Variants in PLXDC2 observed in about 807,000 individuals in gnomAD.
PLXDC2 encodes plexin domain containing 2.
Under a neutral mutation model 68.9 loss-of-function variants are expected in PLXDC2, and 40 were observed. That is an observed-to-expected ratio of 0.58 (90% confidence interval 0.45 to 0.76). The LOEUF (loss-of-function observed/expected upper bound fraction) is 0.76, where lower values mean the gene tolerates loss of function less well. Among genes scored for constraint, PLXDC2 ranks in the 30% least tolerant of loss-of-function variants. The pLI, the probability that PLXDC2 is intolerant of heterozygous loss-of-function variation, is 0.00. For synonymous variants in PLXDC2, 243 were observed against 234.2 expected (o/e 1.04, Z -0.34); for missense variants, 644 against 661.9 (o/e 0.97, Z 0.30).
chr10:19,989,349 A>G (rs1171909701), intron 1 of PLXDC2, among the ~76,000 whole-genome samples: 2 of 152,174 alleles, frequency 1.3e-5, no homozygotes, highest in Non-Finnish European at 2.9e-5. Context: ...TTCTGAGCAA[A>G]TGATTGCAGT....
In PLXDC2 at chr10:20,245,392, G is replaced by C. The variant is rs140442189; in HGVS notation, c.1360G>C (p.Ala454Pro). The stretch of plus-strand genomic sequence containing the variant: ...TGAGAAGAAAGGGGGAACCCTCCAC[G>C]CTGGCCTCATCATTGGAATCCTCAT... ...AAEKKGGTLH[A>P]GLIIGILILV... is the part of the protein sequence containing the mutation. The change falls in exon 13 of 14, where the codon GCT (alanine) becomes CCT (proline). Residue 454 changes from alanine to proline, a missense_variant. By Grantham distance (27) the Ala-to-Pro change is conservative. Transcript: ENST00000377252. The C allele has an allele frequency of 5.6e-6, 9 of 1,613,880 alleles. No homozygotes were observed. Among genetic ancestry groups the C allele is most frequent in the South Asian group, 2.2e-5 (2 of 91,056 alleles).
At chr10:20,240,132 C>T (rs572734457) in intron 12 of PLXDC2, among the ~76,000 whole-genome samples, 4 of 152,212 alleles carry the variant, frequency 2.6e-5, no homozygotes, top group South Asian at 2.1e-4. Flanking sequence ...TCTTTGTGTC[C>T]GTATGTATTC....
chr10:19,966,859 A>G lies in PLXDC2; in HGVS notation c.113-34916A>G, dbSNP rs867576405. 3.9e-5 allele frequency among the ~76,000 whole-genome samples: 6 copies of G among 152,138 alleles called. No individual in the cohort carries two copies. The South Asian group carries it at 1.0e-3, about 26-fold the overall frequency. ...CCTCACATATCCTGGCCTGCAATGC[A>G]GAGGCCAGGGGGAAACACTGGGGAG... On this transcript the variant is annotated intron_variant, in intron 1 of 13. Coordinates refer to ENST00000377252, the MANE Select transcript of PLXDC2 (RefSeq NM_032812.9).
intron 9 of PLXDC2, among the ~76,000 whole-genome samples, chr10:20,206,265 A>G (rs898034338): frequency 1.3e-5 from 2 of 152,158 alleles, no homozygotes; most frequent in Admixed American, 1.3e-4. Flanking sequence ...TTGGATTCCA[A>G]AGCCTCACTT....
In PLXDC2 at chr10:20,255,462, G is replaced by C. The variant is rs147199996; in HGVS notation, c.1473+9957G>C. Among the ~76,000 whole-genome samples, 8 of 152,118 alleles carry C rather than the reference G, an allele frequency of 5.3e-5. No individual in the cohort carries two copies. In the East Asian group the frequency reaches 1.5e-3, roughly 29 times the overall value. On this transcript the variant is annotated intron_variant, in intron 13 of 13. Coordinates refer to ENST00000377252, the MANE Select transcript of PLXDC2 (RefSeq NM_032812.9). ...TTGTGACATTGGTTAATTGTTCTGC[G>C]TTAAAATAAATACTTAAGCCTTTCT... is the stretch of plus-strand genomic sequence containing the variant.
intron 3 of PLXDC2, among the ~76,000 whole-genome samples, chr10:20,047,454 A>G (rs1239876698): frequency 1.3e-5 from 2 of 152,156 alleles, no homozygotes; most frequent in Non-Finnish European, 2.9e-5. Flanking sequence ...TATGACTTAG[A>G]TAACATATAT....
chr10:20,202,292 G>A (rs1333551446), intron 9 of PLXDC2, among the ~76,000 whole-genome samples: 1 of 152,060 alleles, frequency 6.6e-6, no homozygotes, highest in Non-Finnish European at 1.5e-5. Flanking sequence ...TTGCTACTAT[G>A]GTTTATTCTA....
intron 9 of PLXDC2, among the ~76,000 whole-genome samples, chr10:20,199,050 A>T (rs1834882341): frequency 6.6e-6 from 1 of 152,170 alleles, no homozygotes; most frequent in East Asian, 1.9e-4. Context: ...TAAAACCTCA[A>T]TAGTTAAAAA....
rs147307113 is a variant in PLXDC2, at chr10:20,237,617, A to G, written c.1313-7728A>G. Among the ~76,000 whole-genome samples, 161 of 152,358 alleles carry G rather than the reference A, an allele frequency of 1.1e-3. 2 individuals carry two copies. In the East Asian group the frequency reaches 0.024, roughly 22 times the overall value. ...ACATGCTTTAGCTTGTAAATGGGTT[A>G]GGTACTGTTCCATGGGGGAATTCAT... On this transcript the variant is annotated intron_variant, in intron 12 of 13. Transcript: ENST00000377252.
At chr10:20,232,575 T>C (rs1234133370) in intron 12 of PLXDC2, among the ~76,000 whole-genome samples, 1 of 152,160 alleles carries the variant, frequency 6.6e-6, no homozygotes, top group Non-Finnish European at 1.5e-5. Flanking sequence ...ATACATGCAA[T>C]AAAACAGATG....
chr10:20,227,846 A>G (rs1400376658), intron 12 of PLXDC2, among the ~76,000 whole-genome samples: 1 of 152,192 alleles, frequency 6.6e-6, no homozygotes. Flanking sequence ...CTAGTAATCC[A>G]TAGAAGCAAT....
At chr10:20,218,585 T>C (rs1306929471) in intron 11 of PLXDC2, among the ~76,000 whole-genome samples, 2 of 152,100 alleles carry the variant, frequency 1.3e-5, no homozygotes, top group Non-Finnish European at 2.9e-5. Context: ...TAAGATCTCT[T>C]TATATAGAAT....
chr10:19,820,775 G>A (rs934799896), intron 1 of PLXDC2, among the ~76,000 whole-genome samples: 2 of 151,784 alleles, frequency 1.3e-5, no homozygotes, highest in Non-Finnish European at 2.9e-5. Context: ...TTGATCATGG[G>A]ATCTAAAGTC....
At chr10:19,817,227 C>T in intron 1 of PLXDC2, 36 bp downstream of exon 1, 7 of 1,511,392 alleles carry the variant, frequency 4.6e-6, no homozygotes, top group Non-Finnish European at 5.4e-6. Context: ...TGATTTTGTG[C>T]GCAGCTGAAG....
intron 1 of PLXDC2, among the ~76,000 whole-genome samples, chr10:19,936,725 T>G (rs2148299): frequency 0.75 from 113,644 of 152,090 alleles, 42,887 homozygotes; most frequent in African/African-American, 0.85. Context: ...AAGGAAATTG[T>G]CAAATGTCAC....
chr10:19,926,594 C>G (rs1160065638), intron 1 of PLXDC2, among the ~76,000 whole-genome samples: 3 of 152,070 alleles, frequency 2.0e-5, no homozygotes, highest in Non-Finnish European at 4.4e-5. Flanking sequence ...TGGCCAAATG[C>G]AGAATTCCTT....
intron 13 of PLXDC2, among the ~76,000 whole-genome samples, chr10:20,253,495 A>T (rs1835705921): frequency 6.6e-6 from 1 of 152,070 alleles, no homozygotes; most frequent in Non-Finnish European, 1.5e-5. Context: ...CTGGACATAA[A>T]TGTCTAAATA....
At chr10:19,871,143 A>C (rs1421716474) in intron 1 of PLXDC2, among the ~76,000 whole-genome samples, 3 of 152,166 alleles carry the variant, frequency 2.0e-5, no homozygotes, top group African/African-American at 7.2e-5. Context: ...TTAGTGTCCC[A>C]AGAAGAGAAG....
At chr10:20,262,995 C>A (rs1157931872) in intron 13 of PLXDC2, among the ~76,000 whole-genome samples, 1 of 152,212 alleles carries the variant, frequency 6.6e-6, no homozygotes, top group Non-Finnish European at 1.5e-5. Context: ...GCCCTTGCCA[C>A]CCTTGGACTA....
Sources: gnomAD v4.1 joint callset for allele counts (sites outside exome capture counted in the v4.1 genomes callset) on GRCh38, gnomAD v4.1.1 for gene constraint, MANE v1.5 for transcripts, NCBI Gene and HGNC (gene_info 2026-07-23, HGNC 2026-07-21) for gene names.